Variants in GRIN2A observed in about 807,000 individuals in gnomAD.
GRIN2A encodes glutamate receptor ionotropic, NMDA 2A.
A neutral mutation model predicts 113.4 loss-of-function variants in GRIN2A; 22 were observed. That is an observed-to-expected ratio of 0.19 (90% CI 0.14 to 0.28). GRIN2A has a LOEUF of 0.28. Ranked by LOEUF, GRIN2A falls within the 10% of genes least tolerant of loss-of-function variation. GRIN2A has a pLI of 1.00. For synonymous variants in GRIN2A, 827 were observed against 738.4 expected, an observed-to-expected ratio of 1.12 and a Z score of -1.94; for missense variants, 1,502 against 1,887.0, an observed-to-expected ratio of 0.80 and a Z score of 3.78.
At chr16:10,054,872 C>A (rs576928393) in intron 2 of GRIN2A, among the ~76,000 whole-genome samples, 1 of 150,218 alleles carries the variant, frequency 6.7e-6, no homozygotes, top group South Asian at 2.1e-4. Context: ...ATGGTAAAAC[C>A]CCATCTCTAC....
intron 4 of GRIN2A, among the ~76,000 whole-genome samples, chr16:9,857,563 C>A (rs974731936): frequency 9.8e-5 from 15 of 152,292 alleles, no homozygotes; most frequent in African/African-American, 3.1e-4. Flanking sequence ...TGGAGCCAGC[C>A]ACTCTGGCTT....
intron 3 of GRIN2A, among the ~76,000 whole-genome samples, chr16:9,914,562 C>A (rs1197671654): frequency 6.6e-6 from 1 of 152,174 alleles, no homozygotes; most frequent in African/African-American, 2.4e-5. Flanking sequence ...TGCACAAGTT[C>A]TGAAACTATC....
chr16:9,863,665 T>C (rs967759988), intron 4 of GRIN2A, among the ~76,000 whole-genome samples: 2 of 152,202 alleles, frequency 1.3e-5, no homozygotes. Context: ...GGAATGTCAT[T>C]AATGCTCTAG....
At chr16:10,097,702 C>A (rs1332205082) in intron 2 of GRIN2A, among the ~76,000 whole-genome samples, 1 of 152,164 alleles carries the variant, frequency 6.6e-6, no homozygotes, top group African/African-American at 2.4e-5. Context: ...CTGCATCCGA[C>A]CCTCCTGCAC....
rs137935987 is a variant in GRIN2A at position 9,800,192 on chromosome 16, C to G, written c.2169-1728G>C. ...GTTTCACCAGGTTGGTCAGGCTGGT[C>G]TTGAACTCCTGGCCTCAAGTGATCC... is the stretch of plus-strand genomic sequence containing the variant. On this transcript the variant is annotated intron_variant, in intron 10 of 12. Coordinates refer to ENST00000330684, the MANE Select transcript of GRIN2A (RefSeq NM_001134407.3). Among the ~76,000 whole-genome samples, 78 of 152,230 alleles carry G rather than the reference C, an allele frequency of 5.1e-4. No homozygotes were observed. The East Asian group carries it at 0.015, about 29-fold the overall frequency.
intron 2 of GRIN2A, among the ~76,000 whole-genome samples, chr16:10,015,992 T>C (rs747801072): frequency 3.3e-5 from 5 of 151,958 alleles, no homozygotes; most frequent in Non-Finnish European, 7.4e-5. Context: ...GGCAAGTGCC[T>C]GTAATCTCAG....
chr16:10,103,666 C>T (rs115984421), intron 2 of GRIN2A, among the ~76,000 whole-genome samples: 2,204 of 152,160 alleles, frequency 0.014, 59 homozygotes, highest in African/African-American at 0.05. Context: ...ATATGTATGC[C>T]GGAATCCCTG....
At chr16:10,067,425 A>G (rs1567274514) in intron 2 of GRIN2A, among the ~76,000 whole-genome samples, 1 of 152,252 alleles carries the variant, frequency 6.6e-6, no homozygotes, top group Non-Finnish European at 1.5e-5. Context: ...TAGGCAAAAT[A>G]AAAAATATAT....
At position 9,760,255 on chromosome 16, in the gene GRIN2A, C is replaced by T. The variant is rs886888877; in HGVS notation, c.*2894G>A. 8.8e-6 allele frequency: 2 copies of T among 227,480 alleles called. No individual in the cohort carries two copies. Among genetic ancestry groups the T allele is most frequent in the African/African-American group, 4.4e-5 (2 of 44,982 alleles). 14.1% of individuals were successfully genotyped at this position (227,480 alleles called of 1,614,324 possible). ...CTTGTTACTTCTCATACTGTGGGTT[C>T]CATTTACCACTGGACGTTACATTCC... is the stretch of plus-strand genomic sequence containing the variant. On this transcript the variant is annotated 3_prime_UTR_variant, in exon 13 of 13. Transcript: ENST00000330684.
chr16:9,952,832 G>A (rs1306198861), intron 2 of GRIN2A, among the ~76,000 whole-genome samples: 2 of 151,902 alleles, frequency 1.3e-5, no homozygotes, highest in African/African-American at 4.8e-5. Flanking sequence ...CAGGCAACAA[G>A]AAAGTGAGAG....
At chr16:10,162,659 C>T (rs1596567152) in intron 2 of GRIN2A, among the ~76,000 whole-genome samples, 1 of 152,128 alleles carries the variant, frequency 6.6e-6, no homozygotes, top group African/African-American at 2.4e-5. Context: ...TACCTATATG[C>T]CCTCATTTTA....
At chr16:9,991,605 T>C (rs2046114266) in intron 2 of GRIN2A, among the ~76,000 whole-genome samples, 1 of 152,160 alleles carries the variant, frequency 6.6e-6, no homozygotes, top group Non-Finnish European at 1.5e-5. Context: ...TCTGTGTCCA[T>C]GTGTATACAT....
In GRIN2A at chr16:10,139,179, A is replaced by C. The variant is rs2049269140; in HGVS notation, c.414+40819T>G. Among the ~76,000 whole-genome samples, 3 of 152,140 alleles carry C rather than the reference A, an allele frequency of 2.0e-5. No homozygotes were observed. In the South Asian group the frequency reaches 6.2e-4, roughly 32 times the overall value. On this transcript the variant is annotated intron_variant, in intron 2 of 12. Coordinates refer to ENST00000330684, the MANE Select transcript of GRIN2A (RefSeq NM_001134407.3). ...CTGAGGCCATTTCTTCCTGAGACCT[A>C]GGGGTGGAAGCTTGGGGGTCAAGTC...
intron 3 of GRIN2A, among the ~76,000 whole-genome samples, chr16:9,910,521 A>T (rs1219922108): frequency 6.7e-6 from 1 of 148,940 alleles, no homozygotes; most frequent in Non-Finnish European, 1.5e-5. Context: ...TGAGTCTCAT[A>T]TGAAGTCTCA....
intron 5 of GRIN2A, among the ~76,000 whole-genome samples, chr16:9,846,287 C>A (rs911602897): frequency 5.9e-5 from 9 of 152,126 alleles, no homozygotes; most frequent in African/African-American, 2.2e-4. Flanking sequence ...AGTGGGGACA[C>A]TGGAGAAAGC....
intron 2 of GRIN2A, among the ~76,000 whole-genome samples, chr16:10,143,871 C>T (rs989979536): frequency 1.3e-5 from 2 of 152,096 alleles, no homozygotes. Context: ...GAGGCTGAGG[C>T]AGGAGGATTG....
At chr16:9,935,792 C>T (rs1454262094) in intron 3 of GRIN2A, among the ~76,000 whole-genome samples, 1 of 152,084 alleles carries the variant, frequency 6.6e-6, no homozygotes, top group Non-Finnish European at 1.5e-5. Context: ...GCCTCTCCCT[C>T]TTGGGTTCAA....
intron 4 of GRIN2A, among the ~76,000 whole-genome samples, chr16:9,887,817 G>C (rs981476232): frequency 6.6e-6 from 1 of 152,166 alleles, no homozygotes; most frequent in Non-Finnish European, 1.5e-5. Context: ...TCAGCACTTT[G>C]GGAGGCTGAG....
intron 2 of GRIN2A, among the ~76,000 whole-genome samples, chr16:10,144,237 T>C (rs2049385709): frequency 6.6e-6 from 1 of 152,222 alleles, no homozygotes; most frequent in Non-Finnish European, 1.5e-5. Flanking sequence ...ATACTGTTTT[T>C]CATATCAGCT....
Sources: allele counts gnomAD v4.1 joint callset (sites outside exome capture counted in the v4.1 genomes callset), GRCh38; gene constraint gnomAD v4.1.1; transcripts MANE v1.5; gene names NCBI Gene and HGNC (gene_info 2026-07-23, HGNC 2026-07-21).